NBAS: variants seen among roughly 807,000 people sequenced by gnomAD.
The protein encoded by NBAS is NBAS subunit of NRZ tethering complex, also known as NAG/BC035112 fusion.
A neutral mutation model predicts 302.5 loss-of-function variants in NBAS; 219 were observed. The observed-to-expected ratio is 0.72, with a 90% CI of 0.65 to 0.81. The LOEUF (loss-of-function observed/expected upper bound fraction) is 0.81. NBAS is among the 30% of genes least tolerant of loss of function. The probability of loss-of-function intolerance (pLI) is 0.00; values close to 1 mark genes in which losing one functional copy is unlikely to be tolerated. For missense variants in NBAS, 2,932 were observed against 2,841.6 expected (o/e 1.03, Z -0.72); for synonymous variants, 1,118 against 1,021.6 (o/e 1.09, Z -1.80).
intron 44 of NBAS, among the ~76,000 whole-genome samples, chr2:15,249,606 T>C (rs547483886): frequency 6.6e-6 from 1 of 152,296 alleles, no homozygotes; most frequent in African/African-American, 2.4e-5. Context: ...GATAAACAAC[T>C]TCAGCAAAGT....
the NBAS span, among the ~76,000 whole-genome samples, chr2:14,873,078 G>A: frequency 3.9e-5 from 6 of 152,168 alleles, no homozygotes; most frequent in African/African-American, 1.2e-4. Flanking sequence ...GGTGGACTGC[G>A]TTTATTCCCT....
In NBAS at chr2:15,388,145, C is replaced by T. The variant is rs1675402254; in HGVS notation, c.3258-4828G>A. 2.0e-5 allele frequency among the ~76,000 whole-genome samples: 3 copies of T among 152,302 alleles called. No individual in the cohort carries two copies. In the South Asian group the frequency reaches 6.2e-4, roughly 32 times the overall value. On this transcript the variant is annotated intron_variant, in intron 28 of 51. Transcript: ENST00000281513. ...ACTATTGATTCTTCCAATCTATAAA[C>T]ATGAGGTATTCCTCCATTTCTTCAG... is the stretch of plus-strand genomic sequence containing the variant.
chr2:15,347,898 TGTC>T, intron 35 of NBAS, among the ~76,000 whole-genome samples: 1 of 152,320 alleles, frequency 6.6e-6, no homozygotes, highest in Admixed American at 6.5e-5. Flanking sequence ...TCTTCAAACT[TGTC>T]GGCTCCATTT....
chr2:15,337,778 T>C (rs1434848900), intron 35 of NBAS, among the ~76,000 whole-genome samples: 1 of 152,180 alleles, frequency 6.6e-6, no homozygotes, highest in East Asian at 1.9e-4. Flanking sequence ...AAGATCATAG[T>C]TTAACCAGAA....
At chr2:15,169,114 C>A (rs552556383) in intron 51 of NBAS, among the ~76,000 whole-genome samples, 2 of 152,284 alleles carry the variant, frequency 1.3e-5, no homozygotes, top group South Asian at 4.1e-4. Flanking sequence ...AAAGACCCTA[C>A]CTCTCAGAGA....
intron 40 of NBAS, 61 bp from the exon 41 acceptor site, chr2:15,292,827 T>C: frequency 6.8e-7 from 1 of 1,476,882 alleles, no homozygotes; most frequent in Non-Finnish European, 9.4e-7. Flanking sequence ...AGCAAGTGAG[T>C]AACAAATGGA....
intron 40 of NBAS, among the ~76,000 whole-genome samples, chr2:15,299,090 T>G (rs1448202394): frequency 6.6e-6 from 1 of 152,202 alleles, no homozygotes; most frequent in African/African-American, 2.4e-5. Context: ...CGCATGGGTA[T>G]GAAAGCTTTT....
At chr2:15,551,930 A>G (rs549261344) in intron 5 of NBAS, among the ~76,000 whole-genome samples, 1 of 152,332 alleles carries the variant, frequency 6.6e-6, no homozygotes, top group East Asian at 1.9e-4. Flanking sequence ...GGTCTGTATC[A>G]TATTACAAAG....
intron 35 of NBAS, among the ~76,000 whole-genome samples, chr2:15,347,239 AC>A (rs1406053206): frequency 6.6e-6 from 1 of 152,228 alleles, no homozygotes; most frequent in African/African-American, 2.4e-5. Context: ...ACTTTGGAAA[AC>A]AAAAAGTTTG....
chr2:15,232,597 G>A (rs1667426411), intron 46 of NBAS, 86 bp from the exon 47 acceptor site: 14 of 1,291,372 alleles, frequency 1.1e-5, no homozygotes, highest in Admixed American at 1.8e-5. Flanking sequence ...AAATGAACCT[G>A]GCTGGATTTT....
chr2:14,800,069 T>G, the NBAS span, among the ~76,000 whole-genome samples: 1 of 152,160 alleles, frequency 6.6e-6, no homozygotes, highest in Non-Finnish European at 1.5e-5. Flanking sequence ...TCACTATGGT[T>G]GAATATAAAT....
the NBAS span, among the ~76,000 whole-genome samples, chr2:15,152,724 T>C: frequency 6.6e-6 from 1 of 152,244 alleles, no homozygotes; most frequent in Non-Finnish European, 1.5e-5. Context: ...GTTTTTCTTT[T>C]AACATAACCA....
At chr2:14,992,972 T>C in the NBAS span, among the ~76,000 whole-genome samples, 1 of 152,204 alleles carries the variant, frequency 6.6e-6, no homozygotes, top group Non-Finnish European at 1.5e-5. Context: ...ACCCAGTACA[T>C]TACTGGCTCC....
At chr2:15,241,741 G>T (rs536990550) in intron 44 of NBAS, among the ~76,000 whole-genome samples, 20 of 152,192 alleles carry the variant, frequency 1.3e-4, no homozygotes, top group African/African-American at 4.8e-4. Context: ...ATCCTCTCCC[G>T]TTGGTTTGTC....
chr2:15,156,719 C>T, the NBAS span, among the ~76,000 whole-genome samples: 4 of 152,214 alleles, frequency 2.6e-5, no homozygotes, highest in East Asian at 5.8e-4. Context: ...GGAGGGGGCA[C>T]AAAATCCTCC....
intron 48 of NBAS, among the ~76,000 whole-genome samples, chr2:15,211,743 G>C (rs928956770): frequency 6.6e-6 from 1 of 152,112 alleles, no homozygotes; most frequent in Non-Finnish European, 1.5e-5. Flanking sequence ...ACCTGAACCT[G>C]GGAAAAGAGT....
chr2:15,520,798 C>T (rs1662632448), intron 9 of NBAS, among the ~76,000 whole-genome samples: 2 of 152,196 alleles, frequency 1.3e-5, no homozygotes, highest in South Asian at 4.1e-4. Flanking sequence ...ATTTGGCCCA[C>T]AGGCCAAAGT....
Position 15,536,448 on chromosome 2 carries a change from T to A in NBAS, c.617A>T (p.Tyr206Phe). ...QWSAELLVIN[Y>F]RGELRSYLVS... Reference sequence around the variant, plus strand: ...AAGGTAACTTCTAAGTTCTCCTCGGTAATTGATGACCAGGAGTTCTGCAGA... The same window carrying A: ...AAGGTAACTTCTAAGTTCTCCTCGGAAATTGATGACCAGGAGTTCTGCAGA... Residue 206 changes from tyrosine (Y) to phenylalanine (F), a missense_variant, in exon 8 of 52, where the codon TAC (tyrosine) becomes TTC (phenylalanine). Transcript: ENST00000281513. 6.2e-7 allele frequency: 1 copy of A among 1,613,670 alleles called. No individual in the cohort carries two copies. Among genetic ancestry groups the A allele is most frequent in the Non-Finnish European group, 8.5e-7 (1 of 1,179,956 alleles).
the NBAS span, among the ~76,000 whole-genome samples, chr2:14,797,627 T>G: frequency 2.0e-5 from 3 of 151,078 alleles, no homozygotes; most frequent in Admixed American, 6.6e-5. Context: ...ACACACCTAC[T>G]CCAGCCAGGC....
Sources: allele counts gnomAD v4.1 joint callset (sites outside exome capture counted in the v4.1 genomes callset), GRCh38; gene constraint gnomAD v4.1.1; transcripts MANE v1.5; gene names NCBI Gene and HGNC (gene_info 2026-07-23, HGNC 2026-07-21).